The following UROC1 variants were observed in gnomAD, a reference collection of about 807,000 sequenced individuals.
The protein encoded by UROC1 is urocanate hydratase.
UROC1 carries 79 observed loss-of-function variants against 89.5 expected under a neutral mutation model. The observed-to-expected ratio is 0.88, with a 90% CI of 0.74 to 1.06. The LOEUF is 1.06. UROC1 is among the 50% of genes least tolerant of loss of function. UROC1 has a pLI of 0.00. For missense variants in UROC1, 885 were observed against 907.8 expected (o/e 0.97, Z 0.32); for synonymous variants, 361 against 354.8 (o/e 1.02, Z -0.20).
In UROC1 at chr3:126,506,644, G is replaced by A. The variant is rs1375305448; in HGVS notation, c.603-633C>T. Among the ~76,000 whole-genome samples, 4 of 152,332 alleles carry A rather than the reference G, an allele frequency of 2.6e-5. No individual in the cohort carries two copies. In the East Asian group the frequency reaches 5.8e-4, roughly 22 times the overall value. ...AAAGGCAAGGCACAGAGGCCGGCTC[G>A]AATGGTCTAACCACCTAAATTGCCA... On this transcript the variant is annotated intron_variant, in intron 6 of 19. Coordinates refer to ENST00000290868, the MANE Select transcript of UROC1 (RefSeq NM_144639.3).
chr3:126,517,699 C>G lies in UROC1; in HGVS notation c.21G>C (p.Leu7=), dbSNP rs1310433656. Residue 7 remains leucine (L), a synonymous_variant, in exon 1 of 20, where the codon CTG becomes CTC. Transcript: ENST00000290868. The part of the protein sequence containing the change: MSSLQA[L]CSGLPLRPLP... The stretch of plus-strand genomic sequence containing the variant: ...GGGGCCGCAGGGGCAGGCCAGAGCA[C>G]AGCGCCTGGAGGCTAGACATGTGTG... 1.9e-6 allele frequency: 3 copies of G among 1,589,018 alleles called. No homozygotes were observed. Among genetic ancestry groups the G allele is most frequent in the Non-Finnish European group, 2.6e-6 (3 of 1,168,172 alleles).
intron 15 of UROC1, 118 bp from the exon 16 acceptor site, chr3:126,492,634 C>A (rs1274757270): frequency 7.6e-6 from 5 of 660,768 alleles, no homozygotes; most frequent in African/African-American, 3.0e-5. Flanking sequence ...GCAGCCTGAG[C>A]GCCTAACAAG....
At chr3:126,504,338 CA>C (rs1457371876) in intron 8 of UROC1, among the ~76,000 whole-genome samples, 3 of 152,194 alleles carry the variant, frequency 2.0e-5, no homozygotes, top group Admixed American at 2.0e-4. Context: ...CCAAGCTAAT[CA>C]CAAGGACTTG....
At chr3:126,488,309 AC>A in intron 17 of UROC1, 30 bp from the exon 18 acceptor site, 2 of 1,612,820 alleles carry the variant, frequency 1.2e-6, no homozygotes, top group Non-Finnish European at 1.7e-6. Flanking sequence ...TCTGCTCATC[AC>A]CCCCTGCACT....
At chr3:126,514,138 T>A (rs1936250838) in intron 1 of UROC1, among the ~76,000 whole-genome samples, 1 of 152,254 alleles carries the variant, frequency 6.6e-6, no homozygotes, top group Non-Finnish European at 1.5e-5. Flanking sequence ...GGATGTTAGT[T>A]AGGGCTCCTA....
chr3:126,505,919 C>T (rs778673926), intron 7 of UROC1, 26 bp downstream of exon 7: 1 of 1,612,682 alleles, frequency 6.2e-7, no homozygotes, highest in African/African-American at 1.3e-5. Context: ...GGGAAGCCCA[C>T]AGCCAGGCGT....
Position 126,509,651 on chromosome 3 carries a change from G to A in UROC1, c.285C>T (p.Cys95=). 2 of 1,552,168 alleles carry A rather than the reference G, an allele frequency of 1.3e-6. No individual in the cohort carries two copies. The highest frequency in any genetic ancestry group is 2.4e-5 in the East Asian group (1 of 40,984). Residue 95 remains cysteine, a synonymous_variant, in exon 3 of 20, where the codon TGC becomes TGT. Coordinates refer to ENST00000290868, the MANE Select transcript of UROC1 (RefSeq NM_144639.3). ...MRAYPIEQYP[C]QTKVAAAIMH... ...TGATGGCGGCAGCCACTTTCGTCTG[G>A]CAGGGGTACTGCTCAATCGGGTAGG...
chr3:126,501,380 G>A, intron 9 of UROC1, 100 bp from the exon 10 acceptor site: 15 of 1,422,632 alleles, frequency 1.1e-5, no homozygotes, highest in Non-Finnish European at 1.4e-5. Context: ...GACCCAGGAG[G>A]CCACCAGAGG....
intron 18 of UROC1, among the ~76,000 whole-genome samples, chr3:126,484,332 C>T (rs1290757301): frequency 6.6e-6 from 1 of 152,214 alleles, no homozygotes; most frequent in African/African-American, 2.4e-5. Flanking sequence ...CTACGAGCTG[C>T]TGCCCTTGAA....
intron 2 of UROC1, among the ~76,000 whole-genome samples, chr3:126,510,426 G>C (rs887492796): frequency 2.0e-5 from 3 of 152,212 alleles, no homozygotes; most frequent in Non-Finnish European, 4.4e-5. Flanking sequence ...CAGATGGGCC[G>C]GGCCTGAGAG....
At position 126,507,779 on chromosome 3, in the gene UROC1, T is replaced by A. The variant is rs772113328; in HGVS notation, c.565A>T (p.Thr189Ser). The A allele has an allele frequency of 6.2e-7, 1 of 1,613,938 alleles. No homozygotes were observed. Among genetic ancestry groups the A allele is most frequent in the Admixed American group, 1.7e-5 (1 of 59,996 alleles). The change falls in exon 6 of 20, where the codon ACG (threonine) becomes TCG (serine). Residue 189 changes from threonine to serine, a missense_variant. Transcript: ENST00000290868. ...GMVIPNYSSR[T>S]EYEKLFALGV... is the part of the protein sequence containing the mutation. Reference sequence around the variant, plus strand: ...AAGGCAAAGAGCTTCTCATACTCCGTCCGGGAGGAGTAGTTGGGAATGACC... The same window carrying A: ...AAGGCAAAGAGCTTCTCATACTCCGACCGGGAGGAGTAGTTGGGAATGACC...
chr3:126,502,801 TTC>T (rs1309475435), intron 9 of UROC1, among the ~76,000 whole-genome samples: 3 of 151,892 alleles, frequency 2.0e-5, no homozygotes, highest in East Asian at 1.9e-4. Context: ...GTGTGCTGTG[TTC>T]TCTGTGTATG....
chr3:126,499,454 A>T, intron 12 of UROC1, 45 bp from the exon 13 acceptor site: 1 of 1,579,380 alleles, frequency 6.3e-7, no homozygotes, highest in Non-Finnish European at 8.6e-7. Flanking sequence ...CAGGACACCC[A>T]TGGCCACCCT....
In UROC1 at chr3:126,501,276, C is replaced by G. The variant is rs770264011; in HGVS notation, c.907G>C (p.Ala303Pro). The G allele has an allele frequency of 1.3e-4, 212 of 1,613,888 alleles. No homozygotes were observed. The highest frequency in any genetic ancestry group is 1.7e-4 in the Non-Finnish European group (203 of 1,179,974). ...CTGAGCACCTCCTTTTTTTTCCTTG[C>G]TTCCCTGGAAGGACACAAAAGCAGA... is the stretch of plus-strand genomic sequence containing the variant. Reference protein sequence around the residue: ...LDRCIQRLREARKKKEVLSLG... With the variant: ...LDRCIQRLREPRKKKEVLSLG... Residue 303 changes from alanine (A) to proline (P), a missense_variant, in exon 10 of 20, where the codon GCA becomes CCA. Physicochemically the swap from Ala to Pro is conservative, Grantham distance 27. Transcript: ENST00000290868.
Position 126,499,335 on chromosome 3 carries a change from AC to A in UROC1, c.1316+1del, listed in dbSNP as rs1409423679. 6.2e-7 allele frequency: 1 copy of A among 1,609,820 alleles called. No homozygotes were observed. Among genetic ancestry groups the A allele is most frequent in the Non-Finnish European group, 8.5e-7 (1 of 1,179,124 alleles). ...TAGATGTGGCAGCCGCCCATCACTC[AC>A]CCCATGATGTGCTGCACATAGGAAG... On this transcript the variant is annotated splice_donor_variant, in intron 13 of 19. Transcript: ENST00000290868. LOFTEE classifies it high-confidence loss of function.
chr3:126,490,781 C>T (rs1935632689), intron 16 of UROC1, among the ~76,000 whole-genome samples: 1 of 152,110 alleles, frequency 6.6e-6, no homozygotes, highest in Non-Finnish European at 1.5e-5. Context: ...AGCCGTCGGA[C>T]ACTGCACAGG....
At chr3:126,492,940 C>T (rs1935688977) in intron 15 of UROC1, among the ~76,000 whole-genome samples, 1 of 152,244 alleles carries the variant, frequency 6.6e-6, no homozygotes, top group South Asian at 2.1e-4. Flanking sequence ...GTGTGCCATA[C>T]AGCCTCTTGT....
At chr3:126,489,724 A>C (rs1422494402) in intron 16 of UROC1, among the ~76,000 whole-genome samples, 1 of 152,210 alleles carries the variant, frequency 6.6e-6, no homozygotes, top group Non-Finnish European at 1.5e-5. Context: ...GCTGGGGTTT[A>C]ACCCCACACG....
intron 18 of UROC1, among the ~76,000 whole-genome samples, chr3:126,486,844 G>A (rs1437484257): frequency 6.6e-6 from 1 of 152,230 alleles, no homozygotes; most frequent in Non-Finnish European, 1.5e-5. Flanking sequence ...TCCCTTTGGA[G>A]TAGCCATGGT....
Sources: gnomAD v4.1 joint callset for allele counts (sites outside exome capture counted in the v4.1 genomes callset) on GRCh38, gnomAD v4.1.1 for gene constraint, MANE v1.5 for transcripts, NCBI Gene and HGNC (gene_info 2026-07-23, HGNC 2026-07-21) for gene names.